Variants in ACTR3C observed in about 807,000 individuals in gnomAD.
The protein encoded by ACTR3C is actin-related protein 3C.
A neutral mutation model predicts 26.3 loss-of-function variants in ACTR3C; 18 were observed. The ratio of observed to expected loss-of-function variants is 0.68; its 90% CI spans 0.47 to 1.01. The LOEUF (loss-of-function observed/expected upper bound fraction) is 1.01. Ranked by LOEUF, ACTR3C falls within the 50% of genes least tolerant of loss-of-function variation. ACTR3C has a pLI of 0.00. For synonymous variants in ACTR3C, 55 were observed against 94.5 expected (o/e 0.58, Z 2.42); for missense variants, 184 against 250.7 (o/e 0.73, Z 1.80).
chr7:150,290,706 AG>A (rs1438031161), intron 3 of ACTR3C, among the ~76,000 whole-genome samples: 1 of 152,260 alleles, frequency 6.6e-6, no homozygotes, highest in East Asian at 1.9e-4. Flanking sequence ...AAAAAGATTT[AG>A]CCTTTCTGCA....
At chr7:149,967,708 G>T in the ACTR3C span, among the ~76,000 whole-genome samples, 1 of 152,302 alleles carries the variant, frequency 6.6e-6, no homozygotes, top group South Asian at 2.1e-4. Flanking sequence ...ACTTGTTAAA[G>T]TTGGTGACAC....
At chr7:150,276,881 G>A (rs959107109) in intron 6 of ACTR3C, among the ~76,000 whole-genome samples, 17 of 152,088 alleles carry the variant, frequency 1.1e-4, no homozygotes, top group Non-Finnish European at 2.2e-4. Flanking sequence ...CTTGACTTCC[G>A]TGACAGTTAA....
At chr7:150,255,335 C>A (rs574263595) in intron 6 of ACTR3C, among the ~76,000 whole-genome samples, 3 of 149,932 alleles carry the variant, frequency 2.0e-5, no homozygotes, top group Non-Finnish European at 4.4e-5. Context: ...GGCAGATGCC[C>A]AGCATATCTG....
the ACTR3C span, among the ~76,000 whole-genome samples, chr7:150,169,403 AAAG>A: frequency 4.8e-5 from 7 of 145,350 alleles, no homozygotes; most frequent in African/African-American, 1.7e-4. Context: ...AAAAAAAAAA[AAAG>A]AAGAAGAAGA....
the ACTR3C span, among the ~76,000 whole-genome samples, chr7:150,163,670 A>C: frequency 1.8e-3 from 268 of 151,922 alleles, no homozygotes; most frequent in South Asian, 5.4e-3. Flanking sequence ...GGTATAATTC[A>C]GTATGAGTCC....
chr7:150,230,550 G>A, the ACTR3C span, among the ~76,000 whole-genome samples: 4 of 152,070 alleles, frequency 2.6e-5, no homozygotes, highest in African/African-American at 4.8e-5. Context: ...TCATAGGAGC[G>A]CAAGCCCTAT....
At chr7:150,236,503 T>C in the ACTR3C span, among the ~76,000 whole-genome samples, 1 of 152,204 alleles carries the variant, frequency 6.6e-6, no homozygotes, top group Non-Finnish European at 1.5e-5. Context: ...CTAGGACCTA[T>C]GATTGATCGT....
At chr7:149,963,101 C>T in the ACTR3C span, among the ~76,000 whole-genome samples, 4 of 152,206 alleles carry the variant, frequency 2.6e-5, no homozygotes, top group South Asian at 2.1e-4. Flanking sequence ...GAGACTCACT[C>T]GGTCCTGTGG....
At chr7:150,200,881 T>C in the ACTR3C span, among the ~76,000 whole-genome samples, 1 of 152,280 alleles carries the variant, frequency 6.6e-6, no homozygotes, top group South Asian at 2.1e-4. Context: ...ACCTTTTCCT[T>C]TTTCTTTCCT....
At chr7:150,050,233 A>T in the ACTR3C span, among the ~76,000 whole-genome samples, 18,729 of 152,266 alleles carry the variant, frequency 0.12, 1,228 homozygotes, top group South Asian at 0.22. Context: ...TATGCTATCT[A>T]TGAAATATGC....
the ACTR3C span, among the ~76,000 whole-genome samples, chr7:149,954,995 G>C: frequency 4.6e-5 from 7 of 152,336 alleles, no homozygotes; most frequent in East Asian, 1.9e-4. Flanking sequence ...TAAGCAAATT[G>C]ATCATTAAAT....
the ACTR3C span, among the ~76,000 whole-genome samples, chr7:149,963,328 T>G: frequency 6.6e-6 from 1 of 152,198 alleles, no homozygotes. Context: ...AACACACATT[T>G]TTCTCGGTTT....
the ACTR3C span, among the ~76,000 whole-genome samples, chr7:150,007,660 C>T: frequency 5.9e-5 from 9 of 152,016 alleles, no homozygotes; most frequent in Non-Finnish European, 8.8e-5. Context: ...TGAGGACTGC[C>T]GTGGGAATGA....
the ACTR3C span, among the ~76,000 whole-genome samples, chr7:149,914,672 T>C: frequency 3.3e-5 from 5 of 150,332 alleles, no homozygotes; most frequent in Admixed American, 6.6e-5. Context: ...AAAGATTCCT[T>C]AGGAACAGAT....
At chr7:149,942,226 A>G in the ACTR3C span, among the ~76,000 whole-genome samples, 1 of 152,242 alleles carries the variant, frequency 6.6e-6, no homozygotes, top group Non-Finnish European at 1.5e-5. Flanking sequence ...CTTAGGAGAT[A>G]TTTGAAAGTG....
At chr7:150,016,389 A>G in the ACTR3C span, among the ~76,000 whole-genome samples, 1 of 152,208 alleles carries the variant, frequency 6.6e-6, no homozygotes, top group East Asian at 1.9e-4. Context: ...AAGGTAATAC[A>G]CATCTCATGT....
intron 6 of ACTR3C, among the ~76,000 whole-genome samples, chr7:150,251,908 C>A (rs1398780523): frequency 1.3e-5 from 2 of 152,160 alleles, no homozygotes; most frequent in East Asian, 3.9e-4. Flanking sequence ...AAATATAAAG[C>A]AAGGTTATAA....
the ACTR3C span, among the ~76,000 whole-genome samples, chr7:149,954,070 A>G: frequency 1.4e-5 from 2 of 144,732 alleles, no homozygotes; most frequent in African/African-American, 5.2e-5. Flanking sequence ...GTTTTTATGT[A>G]ATTTTTGTTT....
chr7:150,082,440 G>A, the ACTR3C span, among the ~76,000 whole-genome samples: 2 of 152,156 alleles, frequency 1.3e-5, no homozygotes, highest in African/African-American at 2.4e-5. Flanking sequence ...AAACCAAACA[G>A]ATGTTCATGA....
Sources: gnomAD v4.1 joint callset for allele counts (sites outside exome capture counted in the v4.1 genomes callset) on GRCh38, gnomAD v4.1.1 for gene constraint, MANE v1.5 for transcripts, NCBI Gene and HGNC (gene_info 2026-07-23, HGNC 2026-07-21) for gene names.